MAP2K1: variants seen among roughly 807,000 people sequenced by gnomAD.
The protein encoded by MAP2K1 is dual specificity mitogen-activated protein kinase kinase 1.
Under a neutral mutation model 46.3 loss-of-function variants are expected in MAP2K1, and 16 were observed. That is an observed-to-expected ratio of 0.35 (90% CI 0.23 to 0.52). MAP2K1 has a LOEUF of 0.52. Among genes scored for constraint, MAP2K1 ranks in the 20% least tolerant of loss-of-function variants. The pLI, the probability that MAP2K1 is intolerant of heterozygous loss-of-function variation, is 0.94. For missense variants in MAP2K1, 263 were observed against 497.1 expected, an observed-to-expected ratio of 0.53 and a Z score of 4.48; for synonymous variants, 183 against 185.6, an observed-to-expected ratio of 0.99 and a Z score of 0.11.
At chr15:66,469,660 AAAAAC>A (rs1358251213) in intron 5 of MAP2K1, among the ~76,000 whole-genome samples, 2 of 142,016 alleles carry the variant, frequency 1.4e-5, no homozygotes, top group Non-Finnish European at 3.1e-5. Flanking sequence ...TAGACAGAGA[AAAAAC>A]AAACCCAAAA....
rs2140578383 is a variant in MAP2K1 at position 66,435,036 on chromosome 15, G to A, written c.90G>A (p.Leu30=). ...VNGTSSAETN[L]EALQKKLEEL... ...CCCCACTTTGGAACAGGACCAACTTGGAGGCCTTGCAGAAGAAGCTGGAGG... is the reference window on the plus strand; with the variant it reads ...CCCCACTTTGGAACAGGACCAACTTAGAGGCCTTGCAGAAGAAGCTGGAGG... The change falls in exon 2 of 11, where the codon TTG becomes TTA. Residue 30 remains leucine (L), a synonymous_variant. Coordinates refer to ENST00000307102, the MANE Select transcript of MAP2K1 (RefSeq NM_002755.4). 1 of 1,613,048 alleles carries A rather than the reference G, an allele frequency of 6.2e-7. No individual in the cohort carries two copies. Among genetic ancestry groups the A allele is most frequent in the East Asian group, 2.2e-5 (1 of 44,882 alleles).
chr15:66,427,833 G>A (rs2093463152), intron 1 of MAP2K1, among the ~76,000 whole-genome samples: 1 of 151,762 alleles, frequency 6.6e-6, no homozygotes, highest in Non-Finnish European at 1.5e-5. Flanking sequence ...GGCCAACATG[G>A]TGAAACCCTG....
intron 3 of MAP2K1, among the ~76,000 whole-genome samples, chr15:66,441,583 A>G (rs2093503738): frequency 6.6e-6 from 1 of 152,060 alleles, no homozygotes; most frequent in Non-Finnish European, 1.5e-5. Context: ...AGGCAGGAGG[A>G]TCACTTCCTC....
intron 3 of MAP2K1, among the ~76,000 whole-genome samples, chr15:66,442,868 T>C (rs1206130190): frequency 6.6e-6 from 1 of 152,154 alleles, no homozygotes; most frequent in Non-Finnish European, 1.5e-5. Flanking sequence ...TTTGCTGGAT[T>C]GGCACACAGA....
At chr15:66,413,579 A>C (rs2093416659) in intron 1 of MAP2K1, among the ~76,000 whole-genome samples, 1 of 152,184 alleles carries the variant, frequency 6.6e-6, no homozygotes, top group Non-Finnish European at 1.5e-5. Flanking sequence ...GCAACCACAA[A>C]AATATTTCTC....
At chr15:66,414,660 G>A (rs1346797915) in intron 1 of MAP2K1, among the ~76,000 whole-genome samples, 1 of 152,180 alleles carries the variant, frequency 6.6e-6, no homozygotes, top group Admixed American at 6.5e-5. Context: ...TTGGCCATGT[G>A]ATTGAACTGA....
intron 1 of MAP2K1, among the ~76,000 whole-genome samples, chr15:66,401,337 G>A (rs574549607): frequency 1.1e-4 from 17 of 152,234 alleles, no homozygotes; most frequent in African/African-American, 4.1e-4. Flanking sequence ...AATTTACAAT[G>A]TATATTTCAA....
chr15:66,426,977 A>G (rs902624430), intron 1 of MAP2K1, among the ~76,000 whole-genome samples: 4 of 152,230 alleles, frequency 2.6e-5, no homozygotes, highest in Non-Finnish European at 4.4e-5. Context: ...TTGCCTGCAT[A>G]TAAACCCCAT....
rs550199728 is a variant in MAP2K1 at position 66,393,136 on chromosome 15, A to G, written c.80+5709A>G. Among the ~76,000 whole-genome samples the G allele has an allele frequency of 3.9e-4, 59 of 150,718 alleles. 3 individuals carry two copies. The South Asian group carries it at 0.011, about 29-fold the overall frequency. On this transcript the variant is annotated intron_variant, in intron 1 of 10. Transcript: ENST00000307102. ...GTGGAATTGCTGGGTCTTAGGGTAC[A>G]TTGTCTCTCCTTCCAGGATAAGGCA...
chr15:66,467,229 C>T (rs144158862), intron 5 of MAP2K1, among the ~76,000 whole-genome samples: 3,820 of 151,838 alleles, frequency 0.025, 65 homozygotes, highest in Middle Eastern at 0.072. Context: ...AGCGAAACTC[C>T]GTCTCAAAAA....
chr15:66,412,087 TAAC>T (rs1376025299), intron 1 of MAP2K1, among the ~76,000 whole-genome samples: 2 of 152,214 alleles, frequency 1.3e-5, no homozygotes, highest in Non-Finnish European at 2.9e-5. Flanking sequence ...CAAATAAAAA[TAAC>T]CCTCAAAAAT....
intron 1 of MAP2K1, among the ~76,000 whole-genome samples, chr15:66,429,671 C>T (rs894965842): frequency 8.4e-5 from 3 of 35,812 alleles, no homozygotes; most frequent in African/African-American, 3.5e-4. Flanking sequence ...GGCGCCCCCC[C>T]CCCCCCCGTC....
intron 1 of MAP2K1, among the ~76,000 whole-genome samples, chr15:66,430,716 G>A (rs1377997531): frequency 6.6e-6 from 1 of 152,092 alleles, no homozygotes; most frequent in African/African-American, 2.4e-5. Flanking sequence ...GTCCCTCCCT[G>A]AGATACATTT....
At chr15:66,470,078 G>T in intron 5 of MAP2K1, among the ~76,000 whole-genome samples, 1 of 131,076 alleles carries the variant, frequency 7.6e-6, no homozygotes, top group Non-Finnish European at 1.6e-5. Context: ...CCTCCACCAT[G>T]CCACTTTTTT....
At chr15:66,478,342 A>G (rs1250093264) in intron 5 of MAP2K1, among the ~76,000 whole-genome samples, 2 of 144,140 alleles carry the variant, frequency 1.4e-5, no homozygotes, top group Admixed American at 7.0e-5. Context: ...ATACACACAT[A>G]TATGTTAAAT....
chr15:66,468,397 C>A (rs929357553), intron 5 of MAP2K1, among the ~76,000 whole-genome samples: 19 of 152,150 alleles, frequency 1.2e-4, no homozygotes, highest in Non-Finnish European at 1.5e-5. Context: ...GGTGAAAAAT[C>A]AGATAGCAAA....
At chr15:66,424,645 T>C (rs2093452397) in intron 1 of MAP2K1, among the ~76,000 whole-genome samples, 1 of 152,182 alleles carries the variant, frequency 6.6e-6, no homozygotes, top group Non-Finnish European at 1.5e-5. Flanking sequence ...TCTTCAGCTC[T>C]GAACTGTCCC....
intron 1 of MAP2K1, among the ~76,000 whole-genome samples, chr15:66,413,002 T>G (rs1409852306): frequency 6.6e-6 from 1 of 152,070 alleles, no homozygotes; most frequent in Non-Finnish European, 1.5e-5. Flanking sequence ...TTCAAGCAAT[T>G]CTCGTGCCTC....
chr15:66,461,310 C>A (rs936032665), intron 5 of MAP2K1, among the ~76,000 whole-genome samples: 1 of 151,734 alleles, frequency 6.6e-6, no homozygotes, highest in African/African-American at 2.4e-5. Context: ...GCCAACATGG[C>A]GAAACCCCAA....
Sources: gnomAD v4.1 joint callset for allele counts (sites outside exome capture counted in the v4.1 genomes callset) on GRCh38, gnomAD v4.1.1 for gene constraint, MANE v1.5 for transcripts, NCBI Gene and HGNC (gene_info 2026-07-23, HGNC 2026-07-21) for gene names.